UBA6: variants seen among roughly 807,000 people sequenced by gnomAD.
UBA6 encodes ubiquitin like modifier activating enzyme 6.
In UBA6, 87 loss-of-function variants were observed where a neutral mutation model predicts 148.3. The observed-to-expected ratio is 0.59, with a 90% CI of 0.49 to 0.70. The LOEUF is 0.70. Ranked by LOEUF, UBA6 falls within the 30% of genes least tolerant of loss-of-function variation. The pLI, the probability that UBA6 is intolerant of heterozygous loss-of-function variation, is 0.00. For missense variants in UBA6, 1,186 were observed against 1,241.2 expected, an observed-to-expected ratio of 0.96 and a Z score of 0.67; for synonymous variants, 376 against 401.0, an observed-to-expected ratio of 0.94 and a Z score of 0.75.
At chr4:67,629,542 G>A (rs1452459341) in intron 26 of UBA6, among the ~76,000 whole-genome samples, 2 of 151,930 alleles carry the variant, frequency 1.3e-5, no homozygotes, top group Non-Finnish European at 2.9e-5. Context: ...AGTAAAATAA[G>A]TAAATGGAAT....
rs113631924 is a variant in UBA6, at chr4:67,622,817, T to G, written c.3023+14A>C. On this transcript the variant is annotated intron_variant, in intron 32 of 32. Transcript: ENST00000322244. ...AATTCTTGTTAATCGCTGCATATAA[T>G]GTTGAATACTTACGTTAACTTCAAT... The G allele has an allele frequency of 2.0e-5, 31 of 1,578,178 alleles. No individual in the cohort carries two copies. The highest frequency in any genetic ancestry group is 1.8e-4 in the African/African-American group (13 of 73,536).
At chr4:67,648,854 G>A (rs1424094928) in intron 14 of UBA6, among the ~76,000 whole-genome samples, 1 of 152,104 alleles carries the variant, frequency 6.6e-6, no homozygotes, top group East Asian at 1.9e-4. Flanking sequence ...ATATATTTGA[G>A]AAGGCAACTT....
intron 30 of UBA6, 70 bp downstream of exon 30, chr4:67,624,056 T>C: frequency 7.5e-7 from 1 of 1,340,334 alleles, no homozygotes; most frequent in Non-Finnish European, 1.0e-6. Flanking sequence ...AGCTAGTATT[T>C]TTCCCTTTTA....
intron 17 of UBA6, among the ~76,000 whole-genome samples, chr4:67,643,493 A>C (rs2109914791): frequency 6.6e-6 from 1 of 152,046 alleles, no homozygotes; most frequent in East Asian, 1.9e-4. Context: ...TTTATATGAT[A>C]TAATTTTGGA....
chr4:67,691,877 T>A (rs990890232), intron 2 of UBA6, among the ~76,000 whole-genome samples: 5 of 152,178 alleles, frequency 3.3e-5, no homozygotes, highest in African/African-American at 1.2e-4. Context: ...GATTTTTTTA[T>A]CTTATATTGA....
intron 2 of UBA6, among the ~76,000 whole-genome samples, chr4:67,688,918 T>C (rs922721255): frequency 1.3e-5 from 2 of 152,076 alleles, no homozygotes; most frequent in African/African-American, 2.4e-5. Flanking sequence ...ATTTCAATAA[T>C]AGCATCCAGG....
At chr4:67,678,945 T>G (rs1388539774) in intron 4 of UBA6, among the ~76,000 whole-genome samples, 8 of 152,130 alleles carry the variant, frequency 5.3e-5, no homozygotes, top group African/African-American at 1.9e-4. Flanking sequence ...TACAAAAAGC[T>G]ATATATACAA....
chr4:67,681,742 T>C (rs753515582), intron 3 of UBA6, 151 bp from the exon 4 acceptor site: 14 of 592,312 alleles, frequency 2.4e-5, no homozygotes, highest in Non-Finnish European at 3.5e-5. Flanking sequence ...AGTTACAAAA[T>C]ACAGGTTAAA....
rs1264037853 is a variant in UBA6 at position 67,641,229 on chromosome 4, C to T, written c.1477-1G>A. On this transcript the variant is annotated splice_acceptor_variant, in intron 17 of 32. Transcript: ENST00000322244. LOFTEE classifies it high-confidence loss of function. ...TCAAGTCAGGATCTGTAACTGTAATCTAATATCAAGAAAATATGGCTGAAA... is the reference window on the plus strand; with the variant it reads ...TCAAGTCAGGATCTGTAACTGTAATTTAATATCAAGAAAATATGGCTGAAA... 6.4e-7 allele frequency: 1 copy of T among 1,554,662 alleles called. No homozygotes were observed. The highest frequency in any genetic ancestry group is 8.8e-7 in the Non-Finnish European group (1 of 1,139,246).
chr4:67,671,329 T>C (rs2253287), intron 7 of UBA6, among the ~76,000 whole-genome samples: 16,176 of 152,124 alleles, frequency 0.11, 1,156 homozygotes, highest in African/African-American at 0.19. Flanking sequence ...TATAAGAACA[T>C]ATTAAAATAA....
intron 13 of UBA6, among the ~76,000 whole-genome samples, chr4:67,659,874 G>A (rs1282984805): frequency 2.0e-5 from 3 of 152,154 alleles, no homozygotes; most frequent in Non-Finnish European, 4.4e-5. Flanking sequence ...CCAGCCTGAG[G>A]CGGTCTCAGA....
chr4:67,639,536 C>T (rs1005586614), intron 18 of UBA6, among the ~76,000 whole-genome samples: 1 of 151,952 alleles, frequency 6.6e-6, no homozygotes, highest in Non-Finnish European at 1.5e-5. Flanking sequence ...TAGAGGTATG[C>T]GAGTTGAATA....
At position 67,631,910 on chromosome 4, in the gene UBA6, TAAAG is replaced by T. The variant is rs1409379172; in HGVS notation, c.2143-6_2143-3del. ...GAAACAGTGAAGAAGCTGAAGAGCC[TAAAG>T]AAAAAAAATGAATTAAAGACACCCA... On this transcript the variant is annotated splice_polypyrimidine_tract_variant and splice_region_variant and intron_variant, in intron 23 of 32. Transcript: ENST00000322244. 6.2e-7 allele frequency: 1 copy of T among 1,608,274 alleles called. No individual in the cohort carries two copies. Among genetic ancestry groups the T allele is most frequent in the Middle Eastern group, 1.7e-4 (1 of 5,944 alleles).
intron 6 of UBA6, among the ~76,000 whole-genome samples, chr4:67,677,403 C>T (rs557491335): frequency 1.3e-5 from 2 of 152,246 alleles, no homozygotes; most frequent in South Asian, 2.1e-4. Context: ...GAGAAAAAAG[C>T]CAACTGATAT....
intron 4 of UBA6, among the ~76,000 whole-genome samples, chr4:67,679,981 CATCAA>C (rs1730391981): frequency 6.6e-6 from 1 of 152,050 alleles, no homozygotes; most frequent in Non-Finnish European, 1.5e-5. Flanking sequence ...GATCAAAACA[CATCAA>C]ATTATGTTTA....
intron 32 of UBA6, among the ~76,000 whole-genome samples, chr4:67,619,533 G>A (rs1160010483): frequency 1.3e-5 from 2 of 152,048 alleles, no homozygotes; most frequent in African/African-American, 4.8e-5. Flanking sequence ...AAAACGAGAC[G>A]GGAACAGTGG....
chr4:67,673,610 A>T, intron 7 of UBA6, 87 bp downstream of exon 7: 1 of 757,320 alleles, frequency 1.3e-6, no homozygotes, highest in East Asian at 2.6e-5. Flanking sequence ...AAAGTTTCTT[A>T]TATAACCCAT....
At chr4:67,623,306 C>CA (rs1463482134) in intron 30 of UBA6, 84 bp from the exon 31 acceptor site, 2 of 916,794 alleles carry the variant, frequency 2.2e-6, no homozygotes, top group Non-Finnish European at 3.5e-6. Flanking sequence ...AACCCACTTT[C>CA]AGAAGTCCAT....
intron 32 of UBA6, among the ~76,000 whole-genome samples, chr4:67,622,543 A>G (rs151106577): frequency 1.3e-3 from 194 of 152,352 alleles, no homozygotes; most frequent in African/African-American, 4.3e-3. Context: ...TTTGGCAGTT[A>G]GATTACTCAT....
Sources: allele counts gnomAD v4.1 joint callset (sites outside exome capture counted in the v4.1 genomes callset), GRCh38; gene constraint gnomAD v4.1.1; transcripts MANE v1.5; gene names NCBI Gene and HGNC (gene_info 2026-07-23, HGNC 2026-07-21).